UROC1: variants seen among roughly 807,000 people sequenced by gnomAD.
UROC1 encodes the protein urocanate hydratase 1, also known as urocanate hydratase.
UROC1 carries 79 observed loss-of-function variants against 89.5 expected under a neutral mutation model. The ratio of observed to expected loss-of-function variants is 0.88; its 90% CI spans 0.74 to 1.06. The LOEUF is 1.06. Ranked by LOEUF, UROC1 falls within the 50% of genes least tolerant of loss-of-function variation. The pLI is 0.00. For missense variants in UROC1, 885 were observed against 907.8 expected (o/e 0.97, Z 0.32); for synonymous variants, 361 against 354.8 (o/e 1.02, Z -0.20).
At chr3:126,488,976 AGCCAAAAAAGGC>A (rs1935581956) in intron 17 of UROC1, among the ~76,000 whole-genome samples, 1 of 152,176 alleles carries the variant, frequency 6.6e-6, no homozygotes. Flanking sequence ...AGAGACCAGG[AGCCAAAAAAGGC>A]AAGAAATGCA....
At chr3:126,506,903 C>T (rs1350591029) in intron 6 of UROC1, among the ~76,000 whole-genome samples, 1 of 152,118 alleles carries the variant, frequency 6.6e-6, no homozygotes, top group African/African-American at 2.4e-5. Flanking sequence ...CATGGTGAAA[C>T]CCCATCTCTA....
chr3:126,488,051 G>C, intron 18 of UROC1, 147 bp downstream of exon 18: 1 of 896,446 alleles, frequency 1.1e-6, no homozygotes, highest in South Asian at 1.4e-5. Context: ...GCTCACGCAA[G>C]GAACACATTT....
intron 14 of UROC1, among the ~76,000 whole-genome samples, chr3:126,496,879 G>A (rs1051063575): frequency 6.6e-6 from 1 of 152,226 alleles, no homozygotes; most frequent in African/African-American, 2.4e-5. Context: ...TGTGCTGCGG[G>A]CATGTGGAGC....
chr3:126,482,599 G>A (rs1464796944), intron 19 of UROC1, 114 bp from the exon 20 acceptor site: 7 of 1,507,034 alleles, frequency 4.6e-6, no homozygotes, highest in Middle Eastern at 2.0e-4. Context: ...CTGTCCGTGG[G>A]GACAGCTGCC....
chr3:126,493,096 C>T (rs1935690642), intron 15 of UROC1, among the ~76,000 whole-genome samples: 1 of 152,150 alleles, frequency 6.6e-6, no homozygotes, highest in South Asian at 2.1e-4. Flanking sequence ...CTCAGCCACC[C>T]AGTGATCGCA....
rs1302709957 is a variant in UROC1, at chr3:126,502,087, T to C, written c.903-807A>G. Reference sequence around the variant, plus strand: ...GTATGTGTATGTGTGTGTGTTCATGTGTGGATGTGCATGCATTTGTACATA... The same window carrying C: ...GTATGTGTATGTGTGTGTGTTCATGCGTGGATGTGCATGCATTTGTACATA... On this transcript the variant is annotated intron_variant, in intron 9 of 19. Transcript: ENST00000290868. 6 of 852,308 alleles carry C rather than the reference T, an allele frequency of 7.0e-6. No individual in the cohort carries two copies. The African/African-American group carries it at 8.5e-5, about 12-fold the overall frequency. 52.8% of individuals were successfully genotyped at this position (852,308 alleles called of 1,614,324 possible).
At chr3:126,483,504 G>T in intron 18 of UROC1, 36 bp from the exon 19 acceptor site, 1 of 1,588,116 alleles carries the variant, frequency 6.3e-7, no homozygotes. Context: ...TTCATTCCTG[G>T]GGCCCAACAC....
chr3:126,508,843 A>G (rs1391083342), intron 3 of UROC1, among the ~76,000 whole-genome samples: 1 of 151,968 alleles, frequency 6.6e-6, no homozygotes, highest in Admixed American at 6.6e-5. Context: ...GCAGGGACAC[A>G]CCCCAGAGGC....
intron 9 of UROC1, among the ~76,000 whole-genome samples, chr3:126,503,672 C>A (rs1935987626): frequency 6.6e-6 from 1 of 152,230 alleles, no homozygotes. Context: ...AGCATGGGAG[C>A]CCCAAGAAGG....
chr3:126,508,329 G>C (rs1936117421), intron 4 of UROC1, 87 bp downstream of exon 4: 2 of 1,453,854 alleles, frequency 1.4e-6, no homozygotes, highest in Middle Eastern at 1.7e-4. Context: ...CCTGCATCCT[G>C]AGCTGTGGGT....
intron 9 of UROC1, among the ~76,000 whole-genome samples, chr3:126,502,634 G>A (rs904560613): frequency 9.2e-5 from 14 of 151,796 alleles, no homozygotes; most frequent in African/African-American, 2.9e-4. Flanking sequence ...GTGTTTATGT[G>A]TGTGCATGTG....
At chr3:126,507,274 C>T (rs898205920) in intron 6 of UROC1, among the ~76,000 whole-genome samples, 8 of 150,562 alleles carry the variant, frequency 5.3e-5, no homozygotes, top group African/African-American at 2.0e-4. Flanking sequence ...TTATTACATG[C>T]AAGTTTCACC....
intron 1 of UROC1, among the ~76,000 whole-genome samples, chr3:126,515,566 A>C (rs1424375306): frequency 1.1e-4 from 2 of 18,736 alleles, no homozygotes; most frequent in Non-Finnish European, 2.0e-4. Context: ...ACCCCCTTCC[A>C]CTCCCCAGCA....
intron 1 of UROC1, among the ~76,000 whole-genome samples, chr3:126,513,596 G>C (rs534663836): frequency 1.3e-5 from 2 of 152,186 alleles, no homozygotes; most frequent in African/African-American, 4.8e-5. Flanking sequence ...TACCCACCTC[G>C]GAGGACTGCC....
intron 18 of UROC1, 110 bp downstream of exon 18, chr3:126,488,088 G>A: frequency 8.5e-7 from 1 of 1,170,064 alleles, no homozygotes. Context: ...CAGGGGAGGT[G>A]ACCAGGGAGG....
At chr3:126,496,134 C>T in intron 14 of UROC1, 26 bp from the exon 15 acceptor site, 1 of 1,608,352 alleles carries the variant, frequency 6.2e-7, no homozygotes, top group African/African-American at 1.3e-5. Context: ...CAGCAGGCGT[C>T]AGAGACCCTC....
At chr3:126,513,492 C>A (rs796721385) in intron 1 of UROC1, among the ~76,000 whole-genome samples, 13 of 152,140 alleles carry the variant, frequency 8.5e-5, no homozygotes, top group African/African-American at 2.2e-4. Flanking sequence ...AGTGGCTCTG[C>A]GAGGCTGCTG....
chr3:126,505,614 G>A (rs749642892), intron 8 of UROC1, 87 bp downstream of exon 8: 167 of 1,551,384 alleles, frequency 1.1e-4, no homozygotes, highest in Non-Finnish European at 1.5e-4. Context: ...GGGGGTCTGT[G>A]GTGTAAGTGA....
intron 18 of UROC1, among the ~76,000 whole-genome samples, chr3:126,485,896 C>G (rs1193194181): frequency 1.3e-5 from 2 of 152,150 alleles, no homozygotes; most frequent in Non-Finnish European, 2.9e-5. Context: ...GCCATTTACC[C>G]CTGCCCCTCC....
Sources: gnomAD v4.1 joint callset for allele counts (sites outside exome capture counted in the v4.1 genomes callset) on GRCh38, gnomAD v4.1.1 for gene constraint, MANE v1.5 for transcripts, NCBI Gene and HGNC (gene_info 2026-07-23, HGNC 2026-07-21) for gene names.